MAST4: variants seen among roughly 807,000 people sequenced by gnomAD.
MAST4 encodes microtubule associated serine/threonine kinase family member 4.
MAST4 carries 89 observed loss-of-function variants against 162.7 expected under a neutral mutation model. The ratio of observed to expected loss-of-function variants is 0.55; its 90% CI spans 0.46 to 0.65. MAST4 has a LOEUF of 0.65. Among genes scored for constraint, MAST4 ranks in the 30% least tolerant of loss-of-function variants. The pLI is 0.00. For synonymous variants in MAST4, 1,479 were observed against 1,361.1 expected (o/e 1.09, Z -1.91); for missense variants, 3,153 against 3,374.0 (o/e 0.93, Z 1.62).
At chr5:66,841,869 C>T (rs910334426) in intron 3 of MAST4, among the ~76,000 whole-genome samples, 10 of 152,122 alleles carry the variant, frequency 6.6e-5, no homozygotes, top group African/African-American at 2.4e-4. Flanking sequence ...TTACTCATTT[C>T]TTTAAGCTGA....
At chr5:67,003,904 C>G (rs1027979611) in intron 4 of MAST4, 9 of 152,166 alleles carry the variant, frequency 5.9e-5, no homozygotes, top group African/African-American at 2.2e-4. Context: ...ATTGATGGAA[C>G]AGATGTAAAC....
At chr5:67,124,780 G>A (rs1768011756) in intron 14 of MAST4, among the ~76,000 whole-genome samples, 1 of 152,188 alleles carries the variant, frequency 6.6e-6, no homozygotes, top group Admixed American at 6.6e-5. Flanking sequence ...AAAGCAGAAA[G>A]TCAAACAAAG....
chr5:66,968,077 C>T (rs1371867476), intron 4 of MAST4, among the ~76,000 whole-genome samples: 1 of 152,172 alleles, frequency 6.6e-6, no homozygotes. Context: ...CAGTGGCTTT[C>T]TTGGCACCGA....
At chr5:67,025,653 CA>C (rs569496470) in intron 4 of MAST4, among the ~76,000 whole-genome samples, 1 of 151,996 alleles carries the variant, frequency 6.6e-6, no homozygotes, top group Non-Finnish European at 1.5e-5. Flanking sequence ...GGATGTTATA[CA>C]AAAAAAGTAA....
chr5:67,088,167 T>A (rs1763460018), intron 5 of MAST4, among the ~76,000 whole-genome samples: 1 of 152,184 alleles, frequency 6.6e-6, no homozygotes, highest in African/African-American at 2.4e-5. Flanking sequence ...TTCTTCAGAT[T>A]AAAAAATATA....
At chr5:66,759,437 C>G (rs1753729001) in intron 1 of MAST4, among the ~76,000 whole-genome samples, 1 of 152,208 alleles carries the variant, frequency 6.6e-6, no homozygotes, top group Non-Finnish European at 1.5e-5. Context: ...CAGTCACAAT[C>G]TACCAAACTT....
At chr5:67,106,341 T>C (rs7702568) in intron 10 of MAST4, among the ~76,000 whole-genome samples, 32,013 of 152,018 alleles carry the variant, frequency 0.21, 3,460 homozygotes, top group Middle Eastern at 0.27. Context: ...GAAGCAGCAG[T>C]CCCAACCTAT....
chr5:66,795,391 TTTC>T (rs1755601350), intron 3 of MAST4, among the ~76,000 whole-genome samples: 2 of 152,222 alleles, frequency 1.3e-5, no homozygotes, highest in South Asian at 4.1e-4. Context: ...CCTCTAATGA[TTTC>T]TTCAGGTAGA....
intron 1 of MAST4, among the ~76,000 whole-genome samples, chr5:66,661,055 A>G (rs191358694): frequency 1.2e-4 from 18 of 152,336 alleles, no homozygotes; most frequent in Admixed American, 6.5e-4. Context: ...TTGGGAGAGT[A>G]GTATTTCCTC....
At chr5:67,011,728 A>G (rs1191339239) in intron 4 of MAST4, among the ~76,000 whole-genome samples, 4 of 152,196 alleles carry the variant, frequency 2.6e-5, no homozygotes, top group Non-Finnish European at 5.9e-5. Flanking sequence ...GATACAAAGG[A>G]TGGAAGCAGA....
intron 19 of MAST4, among the ~76,000 whole-genome samples, chr5:67,140,012 G>T (rs1770164029): frequency 6.6e-6 from 1 of 152,230 alleles, no homozygotes; most frequent in South Asian, 2.1e-4. Context: ...CCAGAGGATA[G>T]CAGGCAGGGG....
intron 3 of MAST4, among the ~76,000 whole-genome samples, chr5:66,820,709 G>A (rs566616811): frequency 6.6e-6 from 1 of 152,180 alleles, no homozygotes; most frequent in South Asian, 2.1e-4. Context: ...GCATTTATGA[G>A]GATAGTCTGC....
chr5:67,133,761 T>C lies in MAST4; in HGVS notation c.2226+115T>C, dbSNP rs112857818. On this transcript the variant is annotated intron_variant, in intron 17 of 28. Coordinates refer to ENST00000403625, the MANE Select transcript of MAST4 (RefSeq NM_001164664.2). The stretch of plus-strand genomic sequence containing the variant: ...CATTAGTGCTGGTGGTTTAGATGTC[T>C]GTATAAACCTTACATTTAATAAAGT... The C allele has an allele frequency of 4.3e-3, 4,895 of 1,125,992 alleles. 180 individuals are homozygous for C. The African/African-American group carries it at 0.069, about 16-fold the overall frequency. 69.8% of individuals were successfully genotyped at this position (1,125,992 alleles called of 1,614,324 possible). A position where few individuals can be genotyped will look rare whatever the true frequency, so the allele number is the denominator to read the frequency against.
intron 3 of MAST4, among the ~76,000 whole-genome samples, chr5:66,791,643 C>T (rs1254887360): frequency 6.6e-6 from 1 of 152,110 alleles, no homozygotes; most frequent in East Asian, 1.9e-4. Context: ...TATAACAAGT[C>T]ACAAATGTTA....
chr5:67,095,594 T>G lies in MAST4; in HGVS notation c.834-3T>G. ...GCCTAAGCTAAACTCACTTTCTCAA[T>G]AGGACTGATGGACGCCGCTGGTCGT... is the stretch of plus-strand genomic sequence containing the variant. On this transcript the variant is annotated splice_region_variant and splice_polypyrimidine_tract_variant and intron_variant, in intron 6 of 28. Transcript: ENST00000403625. 1 of 1,606,374 alleles carries G rather than the reference T, an allele frequency of 6.2e-7. No individual in the cohort carries two copies. The highest frequency in any genetic ancestry group is 8.5e-7 in the Non-Finnish European group (1 of 1,176,170).
chr5:67,002,601 G>C (rs1751417774), intron 4 of MAST4, among the ~76,000 whole-genome samples: 1 of 152,156 alleles, frequency 6.6e-6, no homozygotes, highest in Admixed American at 6.5e-5. Context: ...TGTCAGCATA[G>C]TATTCTCTTA....
chr5:66,596,684 A>C lies in MAST4; in HGVS notation c.29A>C (p.Glu10Ala). Reference sequence around the variant, plus strand: ...GGGGAGAAAGTTTCGGAGGCGCCAGAGCCGGTGCCCCGCGGCTGCAGTGGC... The same window carrying C: ...GGGGAGAAAGTTTCGGAGGCGCCAGCGCCGGTGCCCCGCGGCTGCAGTGGC... MGEKVSEAP[E>A]PVPRGCSGHG... is the part of the protein sequence containing the mutation. Residue 10 changes from glutamate (E) to alanine (A), a missense_variant, in exon 1 of 29, where the codon GAG (glutamate) becomes GCG (alanine). Physicochemically the swap from Glu to Ala is moderately radical, Grantham distance 107 (BLOSUM62 -1). This residue lies in a region of MAST4 where 327 missense variants were observed against 336.5 expected (regional missense o/e 0.97). Transcript: ENST00000403625. 6.8e-7 allele frequency: 1 copy of C among 1,468,534 alleles called. No homozygotes were observed. The highest frequency in any genetic ancestry group is 1.5e-5 in the African/African-American group (1 of 68,450). 91.0% of individuals were successfully genotyped at this position (1,468,534 alleles called of 1,614,324 possible).
intron 2 of MAST4, among the ~76,000 whole-genome samples, chr5:66,782,289 C>CAAAA (rs573328157): frequency 1.1e-5 from 1 of 92,698 alleles, no homozygotes. Context: ...GACTTCGTCT[C>CAAAA]AAAAAAAAAA....
At chr5:66,654,195 A>C (rs1035435881) in intron 1 of MAST4, among the ~76,000 whole-genome samples, 1 of 152,214 alleles carries the variant, frequency 6.6e-6, no homozygotes. Flanking sequence ...GACTCCTCTG[A>C]GGAGTAATGT....
Sources: allele counts gnomAD v4.1 joint callset (sites outside exome capture counted in the v4.1 genomes callset), GRCh38; gene constraint gnomAD v4.1.1; regional missense constraint gnomAD v4.1.1; transcripts MANE v1.5; gene names NCBI Gene and HGNC (gene_info 2026-07-23, HGNC 2026-07-21).